TNRC6B: variants seen among roughly 807,000 people sequenced by gnomAD.
The protein encoded by TNRC6B is trinucleotide repeat containing adaptor 6B.
TNRC6B carries 52 observed loss-of-function variants against 203.6 expected under a neutral mutation model. The observed-to-expected ratio is 0.26, with a 90% CI of 0.20 to 0.32. TNRC6B has a LOEUF of 0.32. Ranked by LOEUF, TNRC6B falls within the 10% of genes least tolerant of loss-of-function variation. TNRC6B has a pLI of 1.00. For missense variants in TNRC6B, 1,923 were observed against 2,286.2 expected (o/e 0.84, Z 3.24); for synonymous variants, 838 against 845.7 (o/e 0.99, Z 0.16).
intron 1 of TNRC6B, among the ~76,000 whole-genome samples, chr22:40,078,177 C>T (rs973417196): frequency 2.0e-5 from 3 of 152,148 alleles, no homozygotes; most frequent in African/African-American, 7.2e-5. Flanking sequence ...AGCATCCATA[C>T]TACTGTACTA....
chr22:40,112,236 C>T (rs2068343399), intron 1 of TNRC6B, among the ~76,000 whole-genome samples: 1 of 152,088 alleles, frequency 6.6e-6, no homozygotes, highest in African/African-American at 2.4e-5. Flanking sequence ...AAGAAACAGA[C>T]CAAGAGGTAG....
rs549447986 is a variant in TNRC6B at position 40,101,786 on chromosome 22, G to T, written c.-120-15269G>T. Among the ~76,000 whole-genome samples the T allele has an allele frequency of 3.0e-4, 46 of 152,276 alleles. 1 individual carries two copies. In the South Asian group the frequency reaches 9.1e-3, roughly 30 times the overall value. On this transcript the variant is annotated intron_variant, in intron 1 of 23. Transcript: ENST00000301923. ...ACTTCTTTCATCTTGTTATTTCCCA[G>T]TTCAAGAATCTGCAGTGAGATAAAT... is the stretch of plus-strand genomic sequence containing the variant.
chr22:40,287,629 A>G (rs1315580197), intron 12 of TNRC6B, among the ~76,000 whole-genome samples: 1 of 152,182 alleles, frequency 6.6e-6, no homozygotes, highest in Non-Finnish European at 1.5e-5. Flanking sequence ...GCACTCTACA[A>G]TGGCAGTGTC....
chr22:40,333,866 C>G lies in TNRC6B; in HGVS notation c.*10625C>G, dbSNP rs2044007021. On this transcript the variant is annotated 3_prime_UTR_variant, in exon 23 of 23. Coordinates refer to ENST00000454349, the MANE Select transcript of TNRC6B (RefSeq NM_001162501.2). Reference sequence around the variant, plus strand: ...CCCATGAAGCAGGGTTGGAATGGATCATTTTGAATTGCTTCTTTGCAGACA... The same window carrying G: ...CCCATGAAGCAGGGTTGGAATGGATGATTTTGAATTGCTTCTTTGCAGACA... 1 of 152,666 alleles carries G rather than the reference C, an allele frequency of 6.6e-6. No homozygotes were observed. The highest frequency in any genetic ancestry group is 1.5e-5 in the Non-Finnish European group (1 of 68,048). 9.5% of individuals were successfully genotyped at this position (152,666 alleles called of 1,614,324 possible). A position where few individuals can be genotyped will look rare whatever the true frequency, so the allele number is the denominator to read the frequency against.
Position 40,131,533 on chromosome 22 carries a change from C to T in TNRC6B, c.45+5671C>T, listed in dbSNP as rs577007458. On this transcript the variant is annotated intron_variant, in intron 3 of 23. Coordinates refer to the TNRC6B transcript ENST00000301923. The stretch of plus-strand genomic sequence containing the variant: ...ATTCCTTATTTTTGCCTCCTTTCCT[C>T]CCCTCCTCTCTCCTGATTAATTCAG... Among the ~76,000 whole-genome samples, 26 of 152,110 alleles carry T rather than the reference C, an allele frequency of 1.7e-4. No individual in the cohort carries two copies. In the East Asian group the frequency reaches 5.0e-3, roughly 29 times the overall value.
At chr22:40,156,845 C>T (rs965956022) in intron 4 of TNRC6B, among the ~76,000 whole-genome samples, 24 of 150,862 alleles carry the variant, frequency 1.6e-4, no homozygotes, top group Admixed American at 1.3e-3. Flanking sequence ...CTGCAACTTC[C>T]GCCTCCTGGG....
intron 1 of TNRC6B, among the ~76,000 whole-genome samples, chr22:40,081,330 A>G (rs569824599): frequency 1.3e-4 from 8 of 62,576 alleles, no homozygotes; most frequent in Admixed American, 5.1e-4. Context: ...TTTTTTTTGC[A>G]CATACTTTTT....
chr22:40,133,037 G>A (rs1488876090), intron 3 of TNRC6B, among the ~76,000 whole-genome samples: 1 of 143,844 alleles, frequency 7.0e-6, no homozygotes, highest in African/African-American at 2.5e-5. Flanking sequence ...TCATTGGCCT[G>A]ATTCCCGTAG....
At chr22:40,233,673 C>A (rs964715852) in intron 1 of TNRC6B, among the ~76,000 whole-genome samples, 1 of 152,116 alleles carries the variant, frequency 6.6e-6, no homozygotes, top group African/African-American at 2.4e-5. Context: ...TCCAGACAAG[C>A]CAATTCCTTG....
At chr22:40,156,373 C>T (rs1041498697) in intron 4 of TNRC6B, among the ~76,000 whole-genome samples, 9 of 152,154 alleles carry the variant, frequency 5.9e-5, no homozygotes, top group Admixed American at 5.2e-4. Context: ...AGAAAGTTAG[C>T]GTTACAGTTT....
At chr22:40,312,329 G>A (rs903625889) in intron 17 of TNRC6B, among the ~76,000 whole-genome samples, 176 bp from the exon 18 acceptor site, 7 of 152,210 alleles carry the variant, frequency 4.6e-5, no homozygotes, top group African/African-American at 1.2e-4. Flanking sequence ...CAAAGGTGCT[G>A]TTGGCAAGAG....
chr22:40,301,056 C>G, intron 14 of TNRC6B, 51 bp downstream of exon 14: 4 of 1,584,520 alleles, frequency 2.5e-6, no homozygotes, highest in Non-Finnish European at 3.4e-6. Flanking sequence ...GAGTACATCC[C>G]GGCTTAGCCT....
chr22:40,170,524 T>C (rs1721935704), intron 4 of TNRC6B, among the ~76,000 whole-genome samples: 1 of 12,002 alleles, frequency 8.3e-5, no homozygotes, highest in Non-Finnish European at 1.2e-4. Context: ...ATATATATTA[T>C]ATATATAGTT....
intron 1 of TNRC6B, among the ~76,000 whole-genome samples, chr22:40,204,958 G>A (rs1381931459): frequency 6.6e-6 from 1 of 152,192 alleles, no homozygotes; most frequent in Non-Finnish European, 1.5e-5. Flanking sequence ...TGAAAGTACA[G>A]GTACATTTTT....
At chr22:40,282,282 A>G (rs2070728977) in intron 11 of TNRC6B, among the ~76,000 whole-genome samples, 1 of 152,208 alleles carries the variant, frequency 6.6e-6, no homozygotes, top group South Asian at 2.1e-4. Context: ...GGTCTCTTAT[A>G]TGCTTTCTAA....
At chr22:40,125,539 C>T (rs2068483637) in intron 2 of TNRC6B, among the ~76,000 whole-genome samples, 8 of 152,124 alleles carry the variant, frequency 5.3e-5, no homozygotes, top group Admixed American at 5.2e-4. Flanking sequence ...ATGCTGGAAA[C>T]CTTTCCTATC....
rs1408653376 is a variant in TNRC6B, at chr22:40,301,456, T to C, written c.4120+123T>C. The C allele has an allele frequency of 3.2e-5, 35 of 1,090,640 alleles. 1 individual carries two copies. Among genetic ancestry groups the C allele is most frequent in the African/African-American group, 4.8e-5 (3 of 62,796 alleles). 67.6% of individuals were successfully genotyped at this position (1,090,640 alleles called of 1,614,324 possible). A position where few individuals can be genotyped will look rare whatever the true frequency, so the allele number is the denominator to read the frequency against. On this transcript the variant is annotated intron_variant, in intron 15 of 22. Transcript: ENST00000454349. ...TGTACAAGGTAGGTAAATATTCTTA[T>C]CCCTGGTTTACAGATGAGACATCTG...
intron 2 of TNRC6B, among the ~76,000 whole-genome samples, chr22:40,118,735 C>G (rs1399235266): frequency 6.6e-6 from 1 of 152,152 alleles, no homozygotes; most frequent in African/African-American, 2.4e-5. Flanking sequence ...TAATCCTTAT[C>G]ACATAGAGGA....
intron 1 of TNRC6B, among the ~76,000 whole-genome samples, chr22:40,229,700 T>C (rs1231110652): frequency 6.6e-6 from 1 of 152,208 alleles, no homozygotes; most frequent in Non-Finnish European, 1.5e-5. Flanking sequence ...TTTATACAAG[T>C]GGAATTGTTC....
Sources: gnomAD v4.1 joint callset for allele counts (sites outside exome capture counted in the v4.1 genomes callset) on GRCh38, gnomAD v4.1.1 for gene constraint, MANE v1.5 for transcripts, NCBI Gene and HGNC (gene_info 2026-07-23, HGNC 2026-07-21) for gene names.